The following PHIP variants were observed in gnomAD, a reference collection of about 807,000 sequenced individuals.
The protein encoded by PHIP is PHIP subunit of CUL4-Ring ligase complex.
Under a neutral mutation model 236.8 loss-of-function variants are expected in PHIP, and 54 were observed. That is an observed-to-expected ratio of 0.23 (90% confidence interval 0.18 to 0.29). PHIP has a LOEUF of 0.29. Among genes scored for constraint, PHIP ranks in the 10% least tolerant of loss-of-function variants. The probability of loss-of-function intolerance (pLI) is 1.00; values close to 1 mark genes in which losing one functional copy is unlikely to be tolerated. For synonymous variants in PHIP, 756 were observed against 718.9 expected (o/e 1.05, Z -0.83); for missense variants, 1,370 against 2,190.8 (o/e 0.63, Z 7.48).
At position 78,949,849 on chromosome 6, in the gene PHIP, C is replaced by T. The variant is rs192073257; in HGVS notation, c.4054-2074G>A. ...AACTATAGGTGCACGCCACTGCACC[C>T]GGTTAATTTTTGTATTTTTTGTAAA... On this transcript the variant is annotated intron_variant, in intron 35 of 39. Transcript: ENST00000275034. 8.7e-4 allele frequency among the ~76,000 whole-genome samples: 132 copies of T among 152,096 alleles called. 1 individual carries two copies. The Middle Eastern group carries it at 0.027, about 31-fold the overall frequency.
chr6:79,038,206 G>C (rs1163064858), intron 7 of PHIP, among the ~76,000 whole-genome samples: 4 of 152,356 alleles, frequency 2.6e-5, no homozygotes, highest in Admixed American at 6.5e-5. Flanking sequence ...TTTGTAAACA[G>C]AAAGTTATTA....
intron 19 of PHIP, 58 bp downstream of exon 19, chr6:78,997,356 T>A (rs1053896068): frequency 6.8e-7 from 1 of 1,477,096 alleles, no homozygotes; most frequent in Admixed American, 1.8e-5. Flanking sequence ...GTGAATGCTG[T>A]TAACTCCAAA....
chr6:78,941,411 G>T, intron 39 of PHIP, 81 bp from the exon 40 acceptor site: 1 of 905,444 alleles, frequency 1.1e-6, no homozygotes, highest in Non-Finnish European at 1.7e-6. Flanking sequence ...AGGCCCCATT[G>T]GTATACTTAT....
At chr6:78,949,171 C>G (rs1240107036) in intron 35 of PHIP, among the ~76,000 whole-genome samples, 1 of 152,004 alleles carries the variant, frequency 6.6e-6, no homozygotes. Context: ...TTCCTTTGTT[C>G]CCGGTTTTCT....
At chr6:79,018,229 A>T (rs185600722) in intron 10 of PHIP, among the ~76,000 whole-genome samples, 2 of 152,076 alleles carry the variant, frequency 1.3e-5, no homozygotes, top group East Asian at 1.9e-4. Flanking sequence ...AGGAGTAAAA[A>T]TTCAGAGTAT....
chr6:78,988,167 AGT>A, intron 21 of PHIP, 40 bp downstream of exon 21: 1 of 1,386,650 alleles, frequency 7.2e-7, no homozygotes. Flanking sequence ...TAAAAAAATA[AGT>A]AAAAATGACA....
intron 7 of PHIP, 102 bp from the exon 8 acceptor site, chr6:79,026,266 T>C (rs1176317597): frequency 2.4e-6 from 2 of 825,682 alleles, no homozygotes; most frequent in Non-Finnish European, 3.9e-6. Flanking sequence ...TGAACAAGTA[T>C]ATTTTTAAAT....
chr6:79,014,837 C>T (rs975777901), intron 15 of PHIP, among the ~76,000 whole-genome samples: 1 of 151,758 alleles, frequency 6.6e-6, no homozygotes. Flanking sequence ...CAAAGTTTCA[C>T]TGCTAAAACT....
chr6:78,980,082 A>G (rs1233255048), intron 23 of PHIP, among the ~76,000 whole-genome samples: 3 of 152,132 alleles, frequency 2.0e-5, no homozygotes, highest in Non-Finnish European at 4.4e-5. Context: ...GATCTCACTT[A>G]TATTTTAAAA....
intron 23 of PHIP, among the ~76,000 whole-genome samples, chr6:78,980,557 G>T (rs1300736702): frequency 6.6e-6 from 1 of 152,016 alleles, no homozygotes; most frequent in East Asian, 1.9e-4. Flanking sequence ...GAGGGCTGGG[G>T]TACAGCGGGT....
At chr6:78,946,584 G>T in intron 37 of PHIP, 127 bp downstream of exon 37, 1 of 1,412,346 alleles carries the variant, frequency 7.1e-7, no homozygotes. Flanking sequence ...CACATCATAG[G>T]AACTTGCATG....
chr6:79,020,678 T>C (rs1213746506), intron 9 of PHIP, among the ~76,000 whole-genome samples: 2 of 152,230 alleles, frequency 1.3e-5, no homozygotes, highest in Admixed American at 1.3e-4. Context: ...GAAATCAGTA[T>C]ATTGAAGGGA....
At chr6:79,069,016 A>G (rs1209342359) in intron 4 of PHIP, among the ~76,000 whole-genome samples, 1 of 151,880 alleles carries the variant, frequency 6.6e-6, no homozygotes, top group Non-Finnish European at 1.5e-5. Context: ...ATTCTCTCAC[A>G]GTTTTGTCAG....
intron 6 of PHIP, 72 bp downstream of exon 6, chr6:79,060,406 T>C (rs1231025861): frequency 1.9e-6 from 2 of 1,029,238 alleles, no homozygotes; most frequent in African/African-American, 1.6e-5. Flanking sequence ...CCACAGTAAC[T>C]AAAAAACCTT....
chr6:78,937,896 A>G lies in PHIP; in HGVS notation c.*2797T>C, dbSNP rs527248271. ...ATACTAGGGTTGGGTACTTAGAAAT[A>G]CCTAAATTGGTTTACACTTTCCATG... On this transcript the variant is annotated 3_prime_UTR_variant, in exon 40 of 40. Coordinates refer to ENST00000275034, the MANE Select transcript of PHIP (RefSeq NM_017934.7). 4.6e-5 allele frequency: 7 copies of G among 151,628 alleles called. No homozygotes were observed. The highest frequency in any genetic ancestry group is 4.4e-5 in the Non-Finnish European group (3 of 67,628). The allele number at this position is 151,628 out of a possible 1,614,324, so 9.4% of individuals were successfully genotyped here.
Position 79,078,177 on chromosome 6 carries a change from C to G in PHIP, c.-109G>C. 9.2e-7 allele frequency: 1 copy of G among 1,090,578 alleles called. No individual in the cohort carries two copies. The highest frequency in any genetic ancestry group is 1.3e-6 in the Non-Finnish European group (1 of 752,362). 67.6% of individuals were successfully genotyped at this position (1,090,578 alleles called of 1,614,324 possible). A position where few individuals can be genotyped will look rare whatever the true frequency, so the allele number is the denominator to read the frequency against. On this transcript the variant is annotated 5_prime_UTR_variant, in exon 1 of 40. Coordinates refer to ENST00000275034, the MANE Select transcript of PHIP (RefSeq NM_017934.7). ...TGTCAGTGTGTGTTCACGAGCCGAG[C>G]TTCGGCTCCACCATTCAAGCAACGG...
Position 79,016,612 on chromosome 6 carries a change from T to C in PHIP, c.1167A>G (p.Ala389=). 1 of 1,611,486 alleles carries C rather than the reference T, an allele frequency of 6.2e-7. No individual in the cohort carries two copies. Among genetic ancestry groups the C allele is most frequent in the Non-Finnish European group, 8.5e-7 (1 of 1,178,004 alleles). Residue 389 remains alanine (A), a synonymous_variant, in exon 13 of 40, where the codon GCA becomes GCG. Coordinates refer to ENST00000275034, the MANE Select transcript of PHIP (RefSeq NM_017934.7). ...RFVSGSRDGT[A]RIWQFKRREW... ...CTCTTCGTTTAAATTGCCAAATACG[T>C]GCTGTCCCATCACGACTGCCACTTA...
Position 78,970,069 on chromosome 6 carries a change from A to T in PHIP, c.3102T>A (p.Thr1034=). The part of the protein sequence containing the change: ...AFLDPDTGKL[T]GGSFTMKYHD... The stretch of plus-strand genomic sequence containing the variant: ...CTTACTTCATGGTAAATGATCCGCC[A>T]GTCAGTTTACCAGTATCAGGATCTA... The change falls in exon 26 of 40, where the codon ACT becomes ACA. Residue 1034 remains threonine, a synonymous_variant. Transcript: ENST00000275034. 1 of 1,613,606 alleles carries T rather than the reference A, an allele frequency of 6.2e-7. No individual in the cohort carries two copies. Among genetic ancestry groups the T allele is most frequent in the Non-Finnish European group, 8.5e-7 (1 of 1,179,654 alleles).
chr6:78,935,503 C>G lies in PHIP; in HGVS notation c.*5190G>C. The G allele has an allele frequency of 1.0e-6, 1 of 978,834 alleles. No homozygotes were observed. The highest frequency in any genetic ancestry group is 1.2e-6 in the Non-Finnish European group (1 of 824,018). 60.6% of individuals were successfully genotyped at this position (978,834 alleles called of 1,614,324 possible). The stretch of plus-strand genomic sequence containing the variant: ...GAAAATATTTATGCAAAGTGTTCCA[C>G]TGAAATGTATCTCTTACGAAAGTAT... On this transcript the variant is annotated 3_prime_UTR_variant, in exon 40 of 40. Transcript: ENST00000275034.
Sources: gnomAD v4.1 joint callset for allele counts (sites outside exome capture counted in the v4.1 genomes callset) on GRCh38, gnomAD v4.1.1 for gene constraint, MANE v1.5 for transcripts, NCBI Gene and HGNC (gene_info 2026-07-23, HGNC 2026-07-21) for gene names.